The following TMEM35B variants were observed in gnomAD, a reference collection of about 807,000 sequenced individuals.
The protein encoded by TMEM35B is ZMYM6 neighbor protein.
TMEM35B carries 6 observed loss-of-function variants against 8.7 expected under a neutral mutation model. That is an observed-to-expected ratio of 0.69 (90% CI 0.38 to 1.36). The LOEUF (loss-of-function observed/expected upper bound fraction) is 1.36, where lower values mean the gene tolerates loss of function less well. TMEM35B is among the 40% of genes most tolerant of loss of function. TMEM35B has a pLI of 0.02. For missense variants in TMEM35B, 176 were observed against 181.6 expected (o/e 0.97, Z 0.18); for synonymous variants, 89 against 87.0 (o/e 1.02, Z -0.13).
In TMEM35B at chr1:34,982,863, T is replaced by A. The variant is rs113960579; in HGVS notation, c.290-744A>T. ...CTGTTGGTTGGAGGTATGGGAAAGA[T>A]CTGAAAATGGGAGAAGCTCCAGAGA... On this transcript the variant is annotated intron_variant, in intron 2 of 2. Coordinates refer to ENST00000373337, the Ensembl canonical transcript of TMEM35B. 3.0e-3 allele frequency among the ~76,000 whole-genome samples: 462 copies of A among 152,154 alleles called. 1 individual carries two copies. The highest frequency in any genetic ancestry group is 5.4e-3 in the Non-Finnish European group (370 of 67,998).
intron 1 of TMEM35B, among the ~76,000 whole-genome samples, chr1:34,984,870 G>A (rs1447952461): frequency 1.3e-5 from 2 of 152,136 alleles, no homozygotes; most frequent in African/African-American, 2.4e-5. Flanking sequence ...GGAAGAGAGC[G>A]GGAAGTGAGC....
chr1:34,983,117 C>T (rs1640524578), intron 2 of TMEM35B, among the ~76,000 whole-genome samples: 1 of 152,218 alleles, frequency 6.6e-6, no homozygotes, highest in Non-Finnish European at 1.5e-5. Flanking sequence ...CATCAAATGG[C>T]AGCTGCTCCT....
chr1:34,981,451 T>C (rs1392803353), downstream of TMEM35B: 5 of 152,280 alleles, frequency 3.3e-5, no homozygotes, highest in South Asian at 2.1e-4. Flanking sequence ...ATGTTCCTCA[T>C]GGGGGATTAA....
chr1:34,984,656 C>T (rs542402865), intron 1 of TMEM35B, among the ~76,000 whole-genome samples: 1 of 152,296 alleles, frequency 6.6e-6, no homozygotes, highest in East Asian at 1.9e-4. Context: ...GACTTCAGGG[C>T]ATCCCTCTCA....
chr1:34,982,093 T>C (rs1210965731), exon 3 of TMEM35B: 24 of 1,547,824 alleles, frequency 1.6e-5, no homozygotes, highest in Non-Finnish European at 2.0e-5. Flanking sequence ...AGTGACTCTT[T>C]CAGAGCTGCC....
chr1:34,985,162 G>A (rs908601593), intron 1 of TMEM35B, 36 bp downstream of exon 1: 2 of 1,490,908 alleles, frequency 1.3e-6, no homozygotes, highest in Non-Finnish European at 1.8e-6. Flanking sequence ...ACGCCGCCGC[G>A]GGCCCGATCC....
rs115383439 is a variant in TMEM35B at position 34,983,436 on chromosome 1, G to A, written c.289+331C>T. Among the ~76,000 whole-genome samples the A allele has an allele frequency of 1.1e-3, 164 of 151,998 alleles. 1 individual carries two copies. Among genetic ancestry groups the A allele is most frequent in the African/African-American group, 3.7e-3 (154 of 41,442 alleles). On this transcript the variant is annotated intron_variant, in intron 2 of 2. Transcript: ENST00000373337. ...TACTAAAAATACAAAAAAATCAGTC[G>A]GGCGCTGTGGCAGGCGCCTGTAGTC...
At chr1:34,982,150 C>A (rs1320428475) in intron 2 of TMEM35B, 31 bp from the exon 3 acceptor site, 1 of 1,515,932 alleles carries the variant, frequency 6.6e-7, no homozygotes, top group Non-Finnish European at 8.8e-7. Context: ...CCTGAGGCTC[C>A]TTGGAAGAAC....
chr1:34,985,124 G>C lies in TMEM35B; in HGVS notation c.108+74C>G, dbSNP rs1212581500. ...AAGCCCGAAGGCGGCCTGCCGGGCC[G>C]GGGGCGAGGAGCGGCAGGGCGGAGC... On this transcript the variant is annotated intron_variant, in intron 1 of 2. Transcript: ENST00000373337. 8 of 1,210,858 alleles carry C rather than the reference G, an allele frequency of 6.6e-6. No individual in the cohort carries two copies. The African/African-American group carries it at 9.7e-5, about 15-fold the overall frequency. 75.0% of individuals were successfully genotyped at this position (1,210,858 alleles called of 1,614,324 possible). A position where few individuals can be genotyped will look rare whatever the true frequency, so the allele number is the denominator to read the frequency against.
chr1:34,981,990 G>A (rs1395957969), exon 3 of TMEM35B: 1 of 1,550,024 alleles, frequency 6.5e-7, no homozygotes, highest in Non-Finnish European at 8.7e-7. Flanking sequence ...CTTCCTAGTG[G>A]GTCTGACCAC....
chr1:34,985,320 C>G (rs566317990), exon 1 of TMEM35B: 15 of 1,522,688 alleles, frequency 9.9e-6, no homozygotes, highest in Middle Eastern at 1.7e-4. Context: ...GCGCTCCCCC[C>G]ACCGTGGGTT....
intron 2 of TMEM35B, among the ~76,000 whole-genome samples, 177 bp downstream of exon 2, chr1:34,983,578 CAAAAAAAAAAAA>C (rs1163962621): frequency 1.3e-4 from 3 of 23,194 alleles, no homozygotes; most frequent in African/African-American, 2.6e-4. Flanking sequence ...GACTCCATCT[CAAAAAAAAAAAA>C]AAAAAAAAAA....
chr1:34,984,920 G>A (rs1640549405), intron 1 of TMEM35B, among the ~76,000 whole-genome samples: 1 of 152,108 alleles, frequency 6.6e-6, no homozygotes, highest in Non-Finnish European at 1.5e-5. Context: ...GGGTCCGGGG[G>A]GGTGGGAGGG....
At chr1:34,981,929 A>G in exon 3 of TMEM35B, 1 of 1,517,838 alleles carries the variant, frequency 6.6e-7, no homozygotes, top group Non-Finnish European at 8.8e-7. Flanking sequence ...CATGGCATAA[A>G]GAGACAGAGA....
chr1:34,981,475 C>A (rs1025239622), downstream of TMEM35B: 1 of 152,122 alleles, frequency 6.6e-6, no homozygotes, highest in Non-Finnish European at 1.5e-5. Context: ...CATTATAGTA[C>A]ATCCTTGCAA....
exon 3 of TMEM35B, chr1:34,981,807 A>T: frequency 1.3e-6 from 1 of 761,652 alleles, no homozygotes; most frequent in Non-Finnish European, 1.9e-6. Flanking sequence ...TAAAAAGAGA[A>T]AGCAGTGCCA....
intron 2 of TMEM35B, among the ~76,000 whole-genome samples, 161 bp downstream of exon 2, chr1:34,983,598 AAAAAAAAT>A: frequency 6.9e-6 from 1 of 145,614 alleles, no homozygotes; most frequent in African/African-American, 2.8e-5. Flanking sequence ...AAAAAAAAAA[AAAAAAAAT>A]ACCTGTGCTA....
chr1:34,983,956 G>A lies in TMEM35B; in HGVS notation c.109-9C>T. 6.8e-7 allele frequency: 1 copy of A among 1,472,650 alleles called. No individual in the cohort carries two copies. The allele number at this position is 1,472,650 out of a possible 1,614,324, so 91.2% of individuals were successfully genotyped here. On this transcript the variant is annotated splice_polypyrimidine_tract_variant and intron_variant, in intron 1 of 2. Transcript: ENST00000373337. The stretch of plus-strand genomic sequence containing the variant: ...TGCACGAACAGGGCATTCTAGGGGT[G>A]GCAAGGAATGCCTGTTAGCCTCATT...
At chr1:34,982,233 C>T in intron 2 of TMEM35B, 114 bp from the exon 3 acceptor site, 1 of 826,844 alleles carries the variant, frequency 1.2e-6, no homozygotes, top group East Asian at 2.8e-5. Flanking sequence ...CCATTAAACA[C>T]CCCCACCACT....
Sources: gnomAD v4.1 joint callset for allele counts (sites outside exome capture counted in the v4.1 genomes callset) on GRCh38, gnomAD v4.1.1 for gene constraint, MANE v1.5 for transcripts, NCBI Gene and HGNC (gene_info 2026-07-23, HGNC 2026-07-21) for gene names.